CLASP2: variants seen among roughly 807,000 people sequenced by gnomAD.
CLASP2 encodes the protein cytoplasmic linker associated protein 2.
In CLASP2, 47 loss-of-function variants were observed where a neutral mutation model predicts 194.4. The ratio of observed to expected loss-of-function variants is 0.24; its 90% CI spans 0.19 to 0.31. CLASP2 has a LOEUF of 0.31. Ranked by LOEUF, CLASP2 falls within the 10% of genes least tolerant of loss-of-function variation. The pLI is 1.00. For synonymous variants in CLASP2, 619 were observed against 633.5 expected, an observed-to-expected ratio of 0.98 and a Z score of 0.34; for missense variants, 1,445 against 1,823.6, an observed-to-expected ratio of 0.79 and a Z score of 3.78.
At chr3:33,571,100 G>T in intron 25 of CLASP2, among the ~76,000 whole-genome samples, 1 of 148,278 alleles carries the variant, frequency 6.7e-6, no homozygotes, top group African/African-American at 2.5e-5. Context: ...TGCAGGCTCC[G>T]CCCCCCGGGT....
At chr3:33,712,515 T>G (rs1340293707) in intron 1 of CLASP2, among the ~76,000 whole-genome samples, 1 of 152,100 alleles carries the variant, frequency 6.6e-6, no homozygotes, top group Non-Finnish European at 1.5e-5. Context: ...TAATAAATTT[T>G]TTTTTAAAAA....
chr3:33,611,051 CACAT>C (rs2075082366), intron 13 of CLASP2, among the ~76,000 whole-genome samples: 1 of 152,146 alleles, frequency 6.6e-6, no homozygotes, highest in African/African-American at 2.4e-5. Context: ...ACAACACACA[CACAT>C]ACACATACAC....
rs940971426 is a variant in CLASP2, at chr3:33,551,481, T to C, written c.3010-86A>G. On this transcript the variant is annotated intron_variant, in intron 29 of 38. Coordinates refer to ENST00000682230, the MANE Select transcript of CLASP2 (RefSeq NM_001365631.1). The stretch of plus-strand genomic sequence containing the variant: ...CATTTCAAAAATAATCAGGTGATGA[T>C]GATGATTTTTTTTTTTATATACAGA... 1.6e-5 allele frequency: 22 copies of C among 1,376,514 alleles called. 1 individual carries two copies. Among genetic ancestry groups the C allele is most frequent in the South Asian group, 1.3e-4 (9 of 68,648 alleles). The allele number at this position is 1,376,514 out of a possible 1,614,324, so 85.3% of individuals were successfully genotyped here.
chr3:33,560,971 C>T lies in CLASP2; in HGVS notation c.2767G>A (p.Val923Ile). 6.2e-7 allele frequency: 1 copy of T among 1,612,430 alleles called. No homozygotes were observed. The highest frequency in any genetic ancestry group is 8.5e-7 in the Non-Finnish European group (1 of 1,179,022). The change falls in exon 28 of 39, where the codon GTA (valine) becomes ATA (isoleucine). Residue 923 changes from valine to isoleucine, a missense_variant and splice_region_variant. Coordinates refer to ENST00000682230, the MANE Select transcript of CLASP2 (RefSeq NM_001365631.1). ...AGAGTCTCCAAAAACATGCTGAATA[C>T]CTACAGTTGATAAAGGGGAGAGGTA... ...RMFADPHGKR[V>I]FSMFLETLVD...
rs1019666161 is a variant in CLASP2 at position 33,687,197 on chromosome 3, T to A, written c.471-62A>T. 1.0e-5 allele frequency: 10 copies of A among 978,750 alleles called. No homozygotes were observed. In the African/African-American group the frequency reaches 1.5e-4, roughly 14 times the overall value. The allele number at this position is 978,750 out of a possible 1,614,324, so 60.6% of individuals were successfully genotyped here. ...TTTTTAATAAACAGTAAACAAAATA[T>A]CCTTATACCTTCTTGTCTGTAGCAA... On this transcript the variant is annotated intron_variant, in intron 4 of 38. Transcript: ENST00000682230.
chr3:33,716,717 G>T (rs2093317393), intron 1 of CLASP2, among the ~76,000 whole-genome samples: 1 of 152,122 alleles, frequency 6.6e-6, no homozygotes, highest in African/African-American at 2.4e-5. Context: ...TCAAGAGATG[G>T]TATGTAATGA....
chr3:33,534,624 A>G (rs994223009), intron 34 of CLASP2, among the ~76,000 whole-genome samples: 5 of 152,172 alleles, frequency 3.3e-5, no homozygotes, highest in African/African-American at 7.2e-5. Context: ...GTTTTTATAC[A>G]ACTTACCTGC....
chr3:33,626,450 T>C (rs2078065724), intron 10 of CLASP2, among the ~76,000 whole-genome samples: 1 of 152,178 alleles, frequency 6.6e-6, no homozygotes, highest in Admixed American at 6.5e-5. Flanking sequence ...AATATTTTCC[T>C]TAAGGGATTT....
At chr3:33,529,935 G>A (rs952228238) in intron 34 of CLASP2, among the ~76,000 whole-genome samples, 5 of 129,298 alleles carry the variant, frequency 3.9e-5, no homozygotes, top group Non-Finnish European at 6.2e-5. Flanking sequence ...CCGAGATTGC[G>A]CCACTGCGGT....
chr3:33,661,232 A>C (rs1282603818), intron 7 of CLASP2, among the ~76,000 whole-genome samples: 1 of 152,152 alleles, frequency 6.6e-6, no homozygotes, highest in Non-Finnish European at 1.5e-5. Context: ...TTGTATATCC[A>C]TTTATTTACT....
In CLASP2 at chr3:33,610,368, T is replaced by C. The variant is rs1025518152; in HGVS notation, c.1388+1633A>G. Among the ~76,000 whole-genome samples, 11 of 152,210 alleles carry C rather than the reference T, an allele frequency of 7.2e-5. 1 individual carries two copies. Among genetic ancestry groups the C allele is most frequent in the Admixed American group, 5.2e-4 (8 of 15,276 alleles). ...GCCTTCAACCACCTTCTTTTCCCAC[T>C]GAAACCTTTCATTTATCATATGTTC... On this transcript the variant is annotated intron_variant, in intron 13 of 38. Transcript: ENST00000682230.
rs114300828 is a variant in CLASP2, at chr3:33,641,558, G to A, written c.862+3199C>T. ...ATATGAGAAGAAAAGGGTGGCATAC[G>A]AAGGCCAAAGAACAAAGCAAATTAA... On this transcript the variant is annotated intron_variant, in intron 8 of 38. Coordinates refer to ENST00000682230, the MANE Select transcript of CLASP2 (RefSeq NM_001365631.1). Among the ~76,000 whole-genome samples, 169 of 151,800 alleles carry A rather than the reference G, an allele frequency of 1.1e-3. 1 individual carries two copies. Among genetic ancestry groups the A allele is most frequent in the African/African-American group, 3.4e-3 (142 of 41,468 alleles).
chr3:33,640,155 A>G (rs1279826934), intron 8 of CLASP2, among the ~76,000 whole-genome samples: 1 of 152,214 alleles, frequency 6.6e-6, no homozygotes, highest in Non-Finnish European at 1.5e-5. Flanking sequence ...TGAAAAACAA[A>G]ATAATAAGGT....
In CLASP2 at chr3:33,581,916, C is replaced by A. The variant is rs776469505; in HGVS notation, c.2252G>T (p.Arg751Leu). ...TTGACTCACACTTGGTCGAGGAATA[C>A]GACTGCTTCGGGCTGGTGTGAAGCA... ...PSRLSVARSS[R>L]IPRPSVSQGC... The change falls in exon 23 of 39, where the codon CGT (arginine) becomes CTT (leucine). Residue 751 changes from arginine (R) to leucine (L), a missense_variant. Arg to Leu is a moderately radical substitution (Grantham distance 102, BLOSUM62 -2). Transcript: ENST00000682230. 3 of 1,612,530 alleles carry A rather than the reference C, an allele frequency of 1.9e-6. No individual in the cohort carries two copies. The highest frequency in any genetic ancestry group is 8.5e-7 in the Non-Finnish European group (1 of 1,179,008).
chr3:33,696,353 C>CTTTTTTTTT (rs962854814), intron 2 of CLASP2, among the ~76,000 whole-genome samples: 750 of 52,678 alleles, frequency 0.014, 1 homozygote, highest in Middle Eastern at 0.071. Context: ...TTCTTTCTTT[C>CTTTTTTTTT]TTTTTTTTTT....
intron 14 of CLASP2, among the ~76,000 whole-genome samples, chr3:33,607,979 A>G (rs1336588185): frequency 1.3e-5 from 2 of 152,240 alleles, no homozygotes; most frequent in Non-Finnish European, 2.9e-5. Context: ...TGAAAATGAA[A>G]AATCAGCAAT....
At chr3:33,704,456 G>C (rs1037013341) in intron 1 of CLASP2, among the ~76,000 whole-genome samples, 2 of 152,082 alleles carry the variant, frequency 1.3e-5, no homozygotes, top group African/African-American at 4.8e-5. Flanking sequence ...CTCCAAATAA[G>C]ATATACAAAT....
intron 25 of CLASP2, 51 bp downstream of exon 25, chr3:33,573,059 T>C: frequency 6.3e-7 from 1 of 1,597,742 alleles, no homozygotes; most frequent in South Asian, 1.1e-5. Flanking sequence ...CAAAGTAAAA[T>C]CAAAAAGCGC....
chr3:33,587,294 T>G (rs2067626335), intron 21 of CLASP2, among the ~76,000 whole-genome samples: 2 of 151,908 alleles, frequency 1.3e-5, no homozygotes, highest in South Asian at 4.2e-4. Flanking sequence ...CCCAGCTAAT[T>G]TTTTGTATTT....
Sources: allele counts gnomAD v4.1 joint callset (sites outside exome capture counted in the v4.1 genomes callset), GRCh38; gene constraint gnomAD v4.1.1; transcripts MANE v1.5; gene names NCBI Gene and HGNC (gene_info 2026-07-23, HGNC 2026-07-21).